The following PPIL6 variants were observed in gnomAD, a reference collection of about 807,000 sequenced individuals.
PPIL6 encodes probable inactive peptidyl-prolyl cis-trans isomerase-like 6.
In PPIL6, 39 loss-of-function variants were observed where a neutral mutation model predicts 36.8. The observed-to-expected ratio is 1.06, with a 90% CI of 0.82 to 1.38. The LOEUF is 1.38. PPIL6 is among the 40% of genes most tolerant of loss of function. PPIL6 has a pLI of 0.00. For synonymous variants in PPIL6, 123 were observed against 134.1 expected, an observed-to-expected ratio of 0.92 and a Z score of 0.57; for missense variants, 368 against 379.1, an observed-to-expected ratio of 0.97 and a Z score of 0.24.
rs145814194 is a variant in PPIL6, at chr6:109,435,145, G to A, written c.231+959C>T. ...CAGAGTTTAAGGGCCAAGAGGGCCA[G>A]GCCACATTAACCAGCTCGGTGCCAG... On this transcript the variant is annotated intron_variant, in intron 2 of 7. Coordinates refer to ENST00000521072, the MANE Select transcript of PPIL6 (RefSeq NM_173672.5). 9.9e-5 allele frequency among the ~76,000 whole-genome samples: 15 copies of A among 152,268 alleles called. No homozygotes were observed. In the East Asian group the frequency reaches 2.7e-3, roughly 27 times the overall value.
chr6:109,436,153 A>G lies in PPIL6; in HGVS notation c.182T>C (p.Val61Ala), dbSNP rs770698635. 10 of 1,586,360 alleles carry G rather than the reference A, an allele frequency of 6.3e-6. No homozygotes were observed. In the African/African-American group the frequency reaches 8.1e-5, roughly 13 times the overall value. The change falls in exon 2 of 8, where the codon GTT becomes GCT. Residue 61 changes from valine (V) to alanine (A), a missense_variant. Physicochemically the swap from Val to Ala is moderately conservative, Grantham distance 64. Coordinates refer to ENST00000521072, the MANE Select transcript of PPIL6 (RefSeq NM_173672.5). ...HPSKFEDPIL[V>A]PLQEFAWHQY... Reference sequence around the variant, plus strand: ...ATGCCATGCAAATTCTTGAAGAGGAACTAATATAGGATCTTCAAATTTGGA... The same window carrying G: ...ATGCCATGCAAATTCTTGAAGAGGAGCTAATATAGGATCTTCAAATTTGGA...
intron 2 of PPIL6, among the ~76,000 whole-genome samples, chr6:109,432,559 A>T (rs1429215210): frequency 6.6e-6 from 1 of 152,168 alleles, no homozygotes; most frequent in Admixed American, 6.5e-5. Flanking sequence ...TCTCAGAATC[A>T]CAGAATCTGA....
chr6:109,410,754 A>G (rs958682166), intron 6 of PPIL6, among the ~76,000 whole-genome samples: 3 of 152,168 alleles, frequency 2.0e-5, no homozygotes, highest in Non-Finnish European at 2.9e-5. Flanking sequence ...AGGCCACAGC[A>G]AGGTAAATGG....
At chr6:109,405,970 T>C (rs763002351) in intron 6 of PPIL6, among the ~76,000 whole-genome samples, 2 of 152,180 alleles carry the variant, frequency 1.3e-5, no homozygotes, top group Non-Finnish European at 2.9e-5. Context: ...AAGTTTTTCT[T>C]AAACCTCATT....
rs1370551551 is a variant in PPIL6 at position 109,440,427 on chromosome 6, G to T, written c.135+29C>A. On this transcript the variant is annotated intron_variant, in intron 1 of 7. Coordinates refer to ENST00000521072, the MANE Select transcript of PPIL6 (RefSeq NM_173672.5). ...CCGAGAGCGGGTAGCGGGGAGGGCC[G>T]CCCACGACGGAGGTTTCTCTGTGGT... The T allele has an allele frequency of 3.3e-6, 5 of 1,534,926 alleles. No homozygotes were observed. In the Admixed American group the frequency reaches 9.9e-5, roughly 30 times the overall value.
Position 109,423,298 on chromosome 6 carries a change from T to C in PPIL6, c.631+3549A>G, listed in dbSNP as rs570724195. Among the ~76,000 whole-genome samples, 3 of 151,854 alleles carry C rather than the reference T, an allele frequency of 2.0e-5. No individual in the cohort carries two copies. The South Asian group carries it at 6.2e-4, about 32-fold the overall frequency. On this transcript the variant is annotated intron_variant, in intron 5 of 7. Coordinates refer to ENST00000521072, the MANE Select transcript of PPIL6 (RefSeq NM_173672.5). ...AGGAGGATCACTTGAACCCCAGAGG[T>C]GGAGGTTGCAGTGAGCTGAGATGGT...
chr6:109,398,034 G>A (rs964401967), intron 7 of PPIL6, among the ~76,000 whole-genome samples: 2 of 152,084 alleles, frequency 1.3e-5, no homozygotes, highest in Non-Finnish European at 2.9e-5. Context: ...TGGGACTACA[G>A]GTGTGTGCCA....
chr6:109,435,083 C>T (rs1774370848), intron 2 of PPIL6, among the ~76,000 whole-genome samples: 1 of 152,036 alleles, frequency 6.6e-6, no homozygotes, highest in Admixed American at 6.5e-5. Context: ...CACAGAAGCC[C>T]CTGGCTGTCT....
intron 3 of PPIL6, among the ~76,000 whole-genome samples, chr6:109,429,166 G>A (rs1337363652): frequency 1.3e-5 from 2 of 152,158 alleles, no homozygotes; most frequent in Admixed American, 6.5e-5. Flanking sequence ...TCTCTGGAAC[G>A]CTTCATGACT....
At chr6:109,434,573 T>C (rs1000901178) in intron 2 of PPIL6, among the ~76,000 whole-genome samples, 12 of 152,194 alleles carry the variant, frequency 7.9e-5, no homozygotes, top group African/African-American at 2.2e-4. Flanking sequence ...TCTTATTCAG[T>C]CTTGCACCAT....
chr6:109,413,792 T>A lies in PPIL6; in HGVS notation c.688+5395A>T, dbSNP rs530199049. Among the ~76,000 whole-genome samples the A allele has an allele frequency of 6.6e-6, 1 of 152,288 alleles. No homozygotes were observed. Among genetic ancestry groups the A allele is most frequent in the East Asian group, 1.9e-4 (1 of 5,182 alleles). On this transcript the variant is annotated intron_variant, in intron 6 of 7. Transcript: ENST00000521072. This position sits in a 1 kb window ranked among gnomAD's most constrained non-coding sequence, Gnocchi z 4.6. ...AATACTATTCAGCCATAAAAAAGAA[T>A]GAGATCCAGTCATTTGCAACAACAT...
At chr6:109,426,337 T>C (rs1773812590) in intron 5 of PPIL6, among the ~76,000 whole-genome samples, 2 of 152,196 alleles carry the variant, frequency 1.3e-5, no homozygotes, top group South Asian at 2.1e-4. Context: ...TCCATGCTTT[T>C]AATCAGACAC....
At chr6:109,429,999 C>T (rs1484927299) in intron 3 of PPIL6, among the ~76,000 whole-genome samples, 1 of 152,210 alleles carries the variant, frequency 6.6e-6, no homozygotes, top group Non-Finnish European at 1.5e-5. Context: ...CAGCTAGACT[C>T]CTGACCCTTT....
At position 109,392,820 on chromosome 6, in the gene PPIL6, T is replaced by A; in HGVS notation, c.*6A>T. On this transcript the variant is annotated 3_prime_UTR_variant, in exon 8 of 8. Coordinates refer to ENST00000521072, the MANE Select transcript of PPIL6 (RefSeq NM_173672.5). ...TAAATTATCACAGAAAATATTGATA[T>A]GAAAATCAAGCATAAGGATCTCCAC... 1 of 1,412,434 alleles carries A rather than the reference T, an allele frequency of 7.1e-7. No homozygotes were observed. Among genetic ancestry groups the A allele is most frequent in the Non-Finnish European group, 9.8e-7 (1 of 1,015,778 alleles). The allele number at this position is 1,412,434 out of a possible 1,614,324, so 87.5% of individuals were successfully genotyped here.
At position 109,392,925 on chromosome 6, in the gene PPIL6, T is replaced by C; in HGVS notation, c.837A>G (p.Glu279=). The change falls in exon 8 of 8, where the codon GAA becomes GAG. Residue 279 remains glutamate (E), a synonymous_variant. Transcript: ENST00000521072. ...RKFVAFGQLI[E]GTEVLKQLEL... Reference sequence around the variant, plus strand: ...CTAGTTGTTTAAGCACTTCTGTTCCTTCAATCAGTTGCCTACATAGGAGAA... The same window carrying C: ...CTAGTTGTTTAAGCACTTCTGTTCCCTCAATCAGTTGCCTACATAGGAGAA... The C allele has an allele frequency of 6.2e-7, 1 of 1,604,874 alleles. No individual in the cohort carries two copies.
intron 2 of PPIL6, among the ~76,000 whole-genome samples, chr6:109,435,486 C>T (rs1441240321): frequency 2.6e-5 from 4 of 151,952 alleles, no homozygotes; most frequent in African/African-American, 9.7e-5. Context: ...TTCGTAGAGA[C>T]GGAGTTTCAC....
intron 5 of PPIL6, among the ~76,000 whole-genome samples, chr6:109,426,039 A>C (rs1051298760): frequency 6.6e-6 from 1 of 152,210 alleles, no homozygotes; most frequent in Admixed American, 6.5e-5. Flanking sequence ...ATGGAAAAAC[A>C]CTTGAAAGTG....
chr6:109,401,832 C>G (rs896902320), intron 6 of PPIL6, among the ~76,000 whole-genome samples: 1 of 151,728 alleles, frequency 6.6e-6, no homozygotes, highest in African/African-American at 2.4e-5. Flanking sequence ...ATGCCATTCT[C>G]CTGCCTCAGC....
Position 109,393,577 on chromosome 6 carries a change from C to T in PPIL6, c.825-640G>A, listed in dbSNP as rs540637745. 9.2e-5 allele frequency among the ~76,000 whole-genome samples: 14 copies of T among 152,214 alleles called. No homozygotes were observed. The South Asian group carries it at 1.5e-3, about 16-fold the overall frequency. ...TGCTTTCATTTCCTTGCTCAAAACA[C>T]GACAGTAATTTCCCATTATCCTTAG... is the stretch of plus-strand genomic sequence containing the variant. On this transcript the variant is annotated intron_variant, in intron 7 of 7. Transcript: ENST00000521072.
Sources: allele counts gnomAD v4.1 joint callset (sites outside exome capture counted in the v4.1 genomes callset), GRCh38; gene constraint gnomAD v4.1.1; non-coding constraint Gnocchi (gnomAD v3.1); transcripts MANE v1.5; gene names NCBI Gene and HGNC (gene_info 2026-07-23, HGNC 2026-07-21).